The following WIPI2 variants were observed in gnomAD, a reference collection of about 807,000 sequenced individuals.
WIPI2 encodes WD repeat domain, phosphoinositide interacting 2.
A neutral mutation model predicts 52.3 loss-of-function variants in WIPI2; 28 were observed. The ratio of observed to expected loss-of-function variants is 0.54; its 90% confidence interval spans 0.40 to 0.73. The LOEUF (loss-of-function observed/expected upper bound fraction) is 0.73, where lower values mean the gene tolerates loss of function less well. WIPI2 is among the 30% of genes least tolerant of loss of function. WIPI2 has a pLI of 0.00. For synonymous variants in WIPI2, 268 were observed against 245.0 expected (o/e 1.09, Z -0.88); for missense variants, 506 against 602.9 (o/e 0.84, Z 1.68).
chr7:5,203,471 T>G lies in WIPI2; in HGVS notation c.211+3813T>G, dbSNP rs189475724. Reference sequence around the variant, plus strand: ...AGCAGAAGCAAAAAGCAACATTCTTTTTTAAATCAAGTAATTAATTTCTTA... The same window carrying G: ...AGCAGAAGCAAAAAGCAACATTCTTGTTTAAATCAAGTAATTAATTTCTTA... On this transcript the variant is annotated intron_variant, in intron 3 of 12. Coordinates refer to ENST00000288828, the MANE Select transcript of WIPI2 (RefSeq NM_015610.4). Among the ~76,000 whole-genome samples the G allele has an allele frequency of 4.2e-3, 642 of 152,304 alleles. 13 individuals carry two copies. Among genetic ancestry groups the G allele is most frequent in the East Asian group, 2.7e-3 (14 of 5,182 alleles).
chr7:5,225,756 A>G (rs1484965035), intron 8 of WIPI2, 67 bp from the exon 9 acceptor site: 39 of 1,160,874 alleles, frequency 3.4e-5, no homozygotes, highest in Non-Finnish European at 4.9e-5. Context: ...CTTCTCCGCC[A>G]CTTGAGTTGA....
intron 8 of WIPI2, chr7:5,222,927 T>A: frequency 2.4e-6 from 1 of 420,776 alleles, no homozygotes; most frequent in Non-Finnish European, 4.4e-6. Flanking sequence ...CGCAACCAGG[T>A]GGGCCCTCCA....
rs147945082 is a variant in WIPI2 at position 5,229,660 on chromosome 7, G to C, written c.1174G>C (p.Asp392His). 3.1e-6 allele frequency: 5 copies of C among 1,613,908 alleles called. No homozygotes were observed. Among genetic ancestry groups the C allele is most frequent in the Non-Finnish European group, 4.2e-6 (5 of 1,179,936 alleles). ...TNEILDSASHDCPLVTQTYGA... is the reference protein window; with the variant it reads ...TNEILDSASHHCPLVTQTYGA... ...TGAGATCTTGGACTCTGCCTCTCACGACTGCCCCTTAGTCACTCAGACATA... is the reference window on the plus strand; with the variant it reads ...TGAGATCTTGGACTCTGCCTCTCACCACTGCCCCTTAGTCACTCAGACATA... The change falls in exon 12 of 13, where the codon GAC becomes CAC. Residue 392 changes from aspartate (D) to histidine (H), a missense_variant. By Grantham distance (81) the Asp-to-His change is moderately conservative. Transcript: ENST00000288828.
At chr7:5,196,262 T>A (rs1781739541) in intron 2 of WIPI2, among the ~76,000 whole-genome samples, 1 of 151,624 alleles carries the variant, frequency 6.6e-6, no homozygotes, top group Non-Finnish European at 1.5e-5. Context: ...GGCAGGAGAA[T>A]CGCTTGAACC....
At chr7:5,193,741 A>AT (rs545942105) in intron 2 of WIPI2, among the ~76,000 whole-genome samples, 10 of 149,340 alleles carry the variant, frequency 6.7e-5, no homozygotes, top group Admixed American at 1.3e-4. Flanking sequence ...CACCTGGCTA[A>AT]TTTTTTTTTT....
In WIPI2 at chr7:5,227,465, C is replaced by G; in HGVS notation, c.1013+121C>G. ...GGAGCAGCTTCTTAGAGCCGACACT[C>G]CATCGAGAGTTGTCGGGGATGGGAG... On this transcript the variant is annotated intron_variant, in intron 10 of 12. Coordinates refer to ENST00000288828, the MANE Select transcript of WIPI2 (RefSeq NM_015610.4). This position sits in a 1 kb window ranked among gnomAD's most constrained non-coding sequence, Gnocchi z 8.1. 2.2e-6 allele frequency: 3 copies of G among 1,357,074 alleles called. No homozygotes were observed. Among genetic ancestry groups the G allele is most frequent in the East Asian group, 2.5e-5 (1 of 40,174 alleles). The allele number at this position is 1,357,074 out of a possible 1,614,324, so 84.1% of individuals were successfully genotyped here.
chr7:5,229,494 C>T (rs1783614359), intron 11 of WIPI2, 114 bp from the exon 12 acceptor site: 7 of 1,294,318 alleles, frequency 5.4e-6, no homozygotes, highest in South Asian at 1.5e-5. Flanking sequence ...GAATGCCTGG[C>T]GTCCTGTGTG....
intron 8 of WIPI2, among the ~76,000 whole-genome samples, chr7:5,224,320 T>G (rs1418061433): frequency 6.6e-6 from 1 of 152,254 alleles, no homozygotes; most frequent in East Asian, 1.9e-4. Flanking sequence ...ATCCTTGGGT[T>G]AAATCCCTTT....
At chr7:5,193,820 T>C (rs1417164584) in intron 2 of WIPI2, among the ~76,000 whole-genome samples, 1 of 152,018 alleles carries the variant, frequency 6.6e-6, no homozygotes, top group Non-Finnish European at 1.5e-5. Context: ...TCATGCGATC[T>C]TCCTGCCTCA....
chr7:5,210,315 C>T (rs1248968355), intron 3 of WIPI2, among the ~76,000 whole-genome samples: 1 of 152,224 alleles, frequency 6.6e-6, no homozygotes, highest in Non-Finnish European at 1.5e-5. Context: ...ATGTCAAGGT[C>T]GCCATATAAG....
In WIPI2 at chr7:5,193,701, G is replaced by A. The variant is rs558612827; in HGVS notation, c.128+530G>A. ...AGCGGTCCTCCTGCCTCAGCCTCCC[G>A]AGAAACCGGGACTACAGGCGTAGGC... On this transcript the variant is annotated intron_variant, in intron 2 of 12. Transcript: ENST00000288828. Among the ~76,000 whole-genome samples, 12 of 152,204 alleles carry A rather than the reference G, an allele frequency of 7.9e-5. No individual in the cohort carries two copies. The South Asian group carries it at 2.1e-3, about 26-fold the overall frequency.
chr7:5,222,223 A>G (rs1465786670), intron 7 of WIPI2, among the ~76,000 whole-genome samples: 1 of 152,226 alleles, frequency 6.6e-6, no homozygotes, highest in Admixed American at 6.5e-5. Context: ...TTCTGGGATT[A>G]CAGGCGTGAG....
chr7:5,224,028 C>A (rs1417030871), intron 8 of WIPI2, among the ~76,000 whole-genome samples: 1 of 152,230 alleles, frequency 6.6e-6, no homozygotes, highest in Non-Finnish European at 1.5e-5. Flanking sequence ...AATCCAATCA[C>A]ACCCCACCTG....
intron 7 of WIPI2, among the ~76,000 whole-genome samples, chr7:5,220,144 G>A (rs886891078): frequency 6.6e-6 from 1 of 151,540 alleles, no homozygotes; most frequent in Non-Finnish European, 1.5e-5. Context: ...CCTATATTCT[G>A]ATTTCTAATA....
At chr7:5,194,722 G>A (rs763754646) in intron 2 of WIPI2, among the ~76,000 whole-genome samples, 5 of 152,064 alleles carry the variant, frequency 3.3e-5, no homozygotes, top group East Asian at 3.9e-4. Flanking sequence ...TGATCCTCCC[G>A]CCTGGGTAGC....
intron 2 of WIPI2, among the ~76,000 whole-genome samples, chr7:5,195,334 A>T (rs4724452): frequency 0.83 from 125,759 of 151,830 alleles, 52,655 homozygotes; most frequent in East Asian, 0.95. Context: ...ACAAAACAAA[A>T]ATTAGCCGGG....
intron 3 of WIPI2, among the ~76,000 whole-genome samples, chr7:5,202,598 C>T (rs1782082149): frequency 1.3e-5 from 2 of 151,856 alleles, no homozygotes; most frequent in Admixed American, 1.3e-4. Context: ...GTTGCCCAGG[C>T]TGGTCTTGAA....
At chr7:5,225,688 G>C in intron 8 of WIPI2, 135 bp from the exon 9 acceptor site, 2 of 597,974 alleles carry the variant, frequency 3.3e-6, no homozygotes, top group Non-Finnish European at 5.9e-6. Context: ...TGTTTGAGAA[G>C]GTGGCTAGAG....
In WIPI2 at chr7:5,197,998, C is replaced by T. The variant is rs572984724; in HGVS notation, c.129-1578C>T. Among the ~76,000 whole-genome samples, 10 of 152,346 alleles carry T rather than the reference C, an allele frequency of 6.6e-5. No individual in the cohort carries two copies. In the South Asian group the frequency reaches 1.0e-3, roughly 16 times the overall value. On this transcript the variant is annotated intron_variant, in intron 2 of 12. Transcript: ENST00000288828. ...GAGGAAACCCCTTCTGTGGTGTCCC[C>T]GAGGCCCCTGCTGGGAGGGGCTGCT...
Sources: gnomAD v4.1 joint callset for allele counts (sites outside exome capture counted in the v4.1 genomes callset) on GRCh38, gnomAD v4.1.1 for gene constraint, Gnocchi (gnomAD v3.1) non-coding constraint, MANE v1.5 for transcripts, NCBI Gene and HGNC (gene_info 2026-07-23, HGNC 2026-07-21) for gene names.